Variants in AOAH observed in about 807,000 individuals in gnomAD.
AOAH encodes the protein acyloxyacyl hydrolase, also known as acyloxyacyl hydrolase (neutrophil).
In AOAH, 64 loss-of-function variants were observed where a neutral mutation model predicts 92.2. The observed-to-expected ratio is 0.69, with a 90% CI of 0.57 to 0.86. AOAH has a LOEUF of 0.86. Ranked by LOEUF, AOAH falls within the 40% of genes least tolerant of loss-of-function variation. The probability of loss-of-function intolerance (pLI) is 0.00; values close to 1 mark genes in which losing one functional copy is unlikely to be tolerated. For missense variants in AOAH, 656 were observed against 694.6 expected (o/e 0.94, Z 0.62); for synonymous variants, 263 against 254.5 (o/e 1.03, Z -0.32).
rs1350367800 is a variant in AOAH at position 36,517,198 on chromosome 7, CTT to C, written c.1600-3820_1600-3819del. Reference sequence around the variant, plus strand: ...TCTTTCTTTCTTTCTTTCTTTCTTTCTTTCTTTCTTTCTTTCTCTTTCTTTCT... The same window carrying C: ...TCTTTCTTTCTTTCTTTCTTTCTTTCTCTTTCTTTCTTTCTCTTTCTTTCT... On this transcript the variant is annotated intron_variant, in intron 20 of 20. Coordinates refer to ENST00000617537, the MANE Select transcript of AOAH (RefSeq NM_001637.4). Among the ~76,000 whole-genome samples, 6 of 70,980 alleles carry C rather than the reference CTT, an allele frequency of 8.5e-5. 1 individual carries two copies. Among genetic ancestry groups the C allele is most frequent in the South Asian group, 5.8e-4 (1 of 1,738 alleles). 46.6% of individuals were successfully genotyped at this position (70,980 alleles called of 152,430 possible).
rs532074352 is a variant in AOAH, at chr7:36,594,376, G to C, written c.901C>G (p.Leu301Val). 2.0e-5 allele frequency: 33 copies of C among 1,614,112 alleles called. No homozygotes were observed. The South Asian group carries it at 3.1e-4, about 15-fold the overall frequency. ...TCCAGAAATCCTGTAGCACCAGAGA[G>C]TTGGGGCCAGTCAAGCTCGTTGGTA... ...ALTNELDWPQ[L>V]SGATGFLDST... Residue 301 changes from leucine (L) to valine (V), a missense_variant, in exon 12 of 21, where the codon CTC becomes GTC. Leu to Val is a conservative substitution (Grantham distance 32). Transcript: ENST00000617537.
rs1036884652 is a variant in AOAH at position 36,620,904 on chromosome 7, A to C, written c.654-75T>G. 81 of 1,179,264 alleles carry C rather than the reference A, an allele frequency of 6.9e-5. 1 individual carries two copies. In the Admixed American group the frequency reaches 1.3e-3, roughly 19 times the overall value. The allele number at this position is 1,179,264 out of a possible 1,614,324, so 73.1% of individuals were successfully genotyped here. A position where few individuals can be genotyped will look rare whatever the true frequency, so the allele number is the denominator to read the frequency against. On this transcript the variant is annotated intron_variant, in intron 8 of 20. Coordinates refer to ENST00000617537, the MANE Select transcript of AOAH (RefSeq NM_001637.4). ...TGGATGTCAGTTTCATGCATGAATG[A>C]ATGAATGAATGAATGAATGCTACAC...
At chr7:36,532,844 C>T (rs1784780547) in intron 16 of AOAH, among the ~76,000 whole-genome samples, 1 of 152,098 alleles carries the variant, frequency 6.6e-6, no homozygotes, top group Non-Finnish European at 1.5e-5. Flanking sequence ...CCTGGCAGGA[C>T]ATTCTGAGTA....
intron 1 of AOAH, among the ~76,000 whole-genome samples, chr7:36,696,974 A>C (rs1797757063): frequency 6.6e-6 from 1 of 152,014 alleles, no homozygotes; most frequent in African/African-American, 2.4e-5. Flanking sequence ...TATATTTAGG[A>C]TTATGTTGTC....
intron 9 of AOAH, among the ~76,000 whole-genome samples, chr7:36,620,067 C>T (rs558545767): frequency 0.019 from 2,834 of 152,124 alleles, 46 homozygotes; most frequent in African/African-American, 0.047. Context: ...GAAATGAGAT[C>T]TCAAAAGAAA....
At chr7:36,719,600 T>A (rs1584194538) in intron 1 of AOAH, among the ~76,000 whole-genome samples, 1 of 152,128 alleles carries the variant, frequency 6.6e-6, no homozygotes, top group Admixed American at 6.6e-5. Flanking sequence ...TAAGAATTTA[T>A]GTTGGAATGG....
intron 9 of AOAH, among the ~76,000 whole-genome samples, chr7:36,619,579 G>A (rs878963022): frequency 2.6e-5 from 4 of 152,138 alleles, no homozygotes; most frequent in Admixed American, 2.0e-4. Flanking sequence ...TTAAGCTCTA[G>A]GGGAGATGTC....
intron 6 of AOAH, among the ~76,000 whole-genome samples, chr7:36,626,358 G>A (rs1314859762): frequency 6.6e-6 from 1 of 152,224 alleles, no homozygotes; most frequent in Non-Finnish European, 1.5e-5. Flanking sequence ...ACAAAGAGTG[G>A]TCTTTAAGAT....
chr7:36,517,171 T>C (rs1336787961), intron 20 of AOAH, among the ~76,000 whole-genome samples: 2 of 50,664 alleles, frequency 3.9e-5, no homozygotes, highest in African/African-American at 1.3e-4. Context: ...TCTTTCTTTC[T>C]TTCTTTCTTT....
intron 1 of AOAH, among the ~76,000 whole-genome samples, chr7:36,718,518 G>A (rs1183861518): frequency 6.6e-6 from 1 of 152,052 alleles, no homozygotes; most frequent in Non-Finnish European, 1.5e-5. Context: ...ATTCATAGCA[G>A]AATTATTCAT....
chr7:36,649,775 T>G (rs577525627), intron 4 of AOAH, among the ~76,000 whole-genome samples: 3 of 152,330 alleles, frequency 2.0e-5, no homozygotes, highest in Non-Finnish European at 4.4e-5. Context: ...CACTGCTGTT[T>G]GCCGCCGTGG....
intron 16 of AOAH, among the ~76,000 whole-genome samples, chr7:36,535,590 C>A (rs555135187): frequency 6.6e-6 from 1 of 152,178 alleles, no homozygotes; most frequent in South Asian, 2.1e-4. Flanking sequence ...CACTAGCAGA[C>A]GAATTTGCAG....
In AOAH at chr7:36,618,346, C is replaced by A. The variant is rs1194597825; in HGVS notation, c.703-1G>T. 3 of 1,613,790 alleles carry A rather than the reference C, an allele frequency of 1.9e-6. No homozygotes were observed. The highest frequency in any genetic ancestry group is 2.7e-5 in the African/African-American group (2 of 74,898). On this transcript the variant is annotated splice_acceptor_variant, in intron 9 of 20. Transcript: ENST00000617537. LOFTEE classifies it high-confidence loss of function. ...GAACTCCATCTTTTGGATCGACACCCTTTAAAAAAGAAACGATGTGATTAG... is the reference window on the plus strand; with the variant it reads ...GAACTCCATCTTTTGGATCGACACCATTTAAAAAAGAAACGATGTGATTAG...
chr7:36,702,305 T>C lies in AOAH; in HGVS notation c.128-15511A>G, dbSNP rs182655014. Among the ~76,000 whole-genome samples, 863 of 152,356 alleles carry C rather than the reference T, an allele frequency of 5.7e-3. 9 individuals are homozygous for C. Among genetic ancestry groups the C allele is most frequent in the Admixed American group, 0.01 (154 of 15,290 alleles). On this transcript the variant is annotated intron_variant, in intron 1 of 20. Transcript: ENST00000617537. ...AAGTTACCATGTGGTGTTATTTTCC[T>C]TCTGTCTGAAGGACTTCTTTTTTAC...
intron 13 of AOAH, among the ~76,000 whole-genome samples, chr7:36,568,725 C>T (rs1383230638): frequency 4.6e-5 from 7 of 152,296 alleles, no homozygotes; most frequent in East Asian, 1.9e-4. Context: ...TCTCTGCCCA[C>T]GTTTCTCTTC....
chr7:36,705,387 C>A (rs1798333092), intron 1 of AOAH, among the ~76,000 whole-genome samples: 3 of 152,158 alleles, frequency 2.0e-5, no homozygotes, highest in South Asian at 2.1e-4. Context: ...TTCACAATTG[C>A]TACAAAGAGA....
At chr7:36,645,211 A>T (rs1270319153) in intron 4 of AOAH, among the ~76,000 whole-genome samples, 1 of 152,200 alleles carries the variant, frequency 6.6e-6, no homozygotes, top group Non-Finnish European at 1.5e-5. Context: ...TGATTAGGTC[A>T]TGAGGCTGGA....
At chr7:36,637,164 A>G (rs1323934647) in intron 5 of AOAH, among the ~76,000 whole-genome samples, 3 of 152,226 alleles carry the variant, frequency 2.0e-5, no homozygotes, top group Non-Finnish European at 4.4e-5. Flanking sequence ...GTTGAACGAG[A>G]GTGTTATTAC....
chr7:36,711,432 C>T (rs1397663933), intron 1 of AOAH, among the ~76,000 whole-genome samples: 1 of 152,092 alleles, frequency 6.6e-6, no homozygotes, highest in Non-Finnish European at 1.5e-5. Flanking sequence ...TTCGGTATTG[C>T]TCACTGTGTG....
Sources: allele counts gnomAD v4.1 joint callset (sites outside exome capture counted in the v4.1 genomes callset), GRCh38; gene constraint gnomAD v4.1.1; transcripts MANE v1.5; gene names NCBI Gene and HGNC (gene_info 2026-07-23, HGNC 2026-07-21).